DIPK1A: variants seen among roughly 807,000 people sequenced by gnomAD.
The protein encoded by DIPK1A is family with sequence similarity 69 member A.
Under a neutral mutation model 40.8 loss-of-function variants are expected in DIPK1A, and 27 were observed. The observed-to-expected ratio is 0.66, with a 90% CI of 0.49 to 0.91. The LOEUF (loss-of-function observed/expected upper bound fraction) is 0.91. Ranked by LOEUF, DIPK1A falls within the 40% of genes least tolerant of loss-of-function variation. The probability of loss-of-function intolerance (pLI) is 0.00; values close to 1 mark genes in which losing one functional copy is unlikely to be tolerated. For missense variants in DIPK1A, 412 were observed against 505.7 expected (o/e 0.81, Z 1.78); for synonymous variants, 166 against 171.3 (o/e 0.97, Z 0.24).
At chr1:92,857,896 T>C (rs1688038640) in intron 2 of DIPK1A, among the ~76,000 whole-genome samples, 1 of 152,132 alleles carries the variant, frequency 6.6e-6, no homozygotes, top group African/African-American at 2.4e-5. Context: ...GAGAGGAGCA[T>C]GCAGAGCAGG....
chr1:92,952,396 G>A (rs764904940), intron 1 of DIPK1A, among the ~76,000 whole-genome samples: 18 of 152,276 alleles, frequency 1.2e-4, no homozygotes, highest in Middle Eastern at 3.4e-3. Context: ...AAGGTGGGCC[G>A]ACTGCTTGAG....
At chr1:92,883,854 G>C (rs1648485981) in intron 1 of DIPK1A, among the ~76,000 whole-genome samples, 1 of 152,056 alleles carries the variant, frequency 6.6e-6, no homozygotes, top group Non-Finnish European at 1.5e-5. Flanking sequence ...GGTCTTCTTT[G>C]GAGACTAGCT....
At chr1:92,846,327 A>G (rs1309356912) in intron 4 of DIPK1A, 1 of 154,432 alleles carries the variant, frequency 6.5e-6, no homozygotes, top group Non-Finnish European at 1.5e-5. Flanking sequence ...GAAAATAACC[A>G]AAAATTATTA....
chr1:92,855,320 C>T (rs550301088), intron 2 of DIPK1A, among the ~76,000 whole-genome samples: 7 of 151,896 alleles, frequency 4.6e-5, no homozygotes, highest in South Asian at 2.1e-4. Flanking sequence ...AACGCAATGA[C>T]GAAAAAACCA....
intron 1 of DIPK1A, among the ~76,000 whole-genome samples, chr1:92,936,393 C>T (rs1161306096): frequency 2.0e-5 from 3 of 151,868 alleles, no homozygotes; most frequent in African/African-American, 2.4e-5. Flanking sequence ...TTTGGGAGGC[C>T]GAGGCAGGCA....
chr1:92,948,854 G>T (rs1313865460), intron 1 of DIPK1A, among the ~76,000 whole-genome samples: 2 of 150,132 alleles, frequency 1.3e-5, no homozygotes, highest in African/African-American at 4.9e-5. Context: ...GCCCAGGCTG[G>T]AGTGCAATGG....
At position 92,922,128 on chromosome 1, in the gene DIPK1A, T is replaced by C. The variant is rs374778015; in HGVS notation, c.54+39248A>G. ...TTTAACTGTTTAATTAAAATCTTAA[T>C]TGTTTTTGGCTTTCGTTTCACTATT... On this transcript the variant is annotated intron_variant, in intron 1 of 4. Transcript: ENST00000370310. Among the ~76,000 whole-genome samples, 154 of 152,296 alleles carry C rather than the reference T, an allele frequency of 1.0e-3. 3 individuals carry two copies. Among genetic ancestry groups the C allele is most frequent in the African/African-American group, 3.5e-3 (145 of 41,576 alleles).
intron 2 of DIPK1A, among the ~76,000 whole-genome samples, chr1:92,876,060 T>C (rs1472719076): frequency 2.0e-5 from 3 of 150,680 alleles, no homozygotes; most frequent in Non-Finnish European, 4.4e-5. Flanking sequence ...CTTCTTTGTA[T>C]TGAGGATGCC....
chr1:92,882,194 C>T (rs1348915673), intron 1 of DIPK1A, among the ~76,000 whole-genome samples: 2 of 152,166 alleles, frequency 1.3e-5, no homozygotes, highest in African/African-American at 4.8e-5. Context: ...TCGAGGCCAG[C>T]CTGGCCAACA....
Position 92,843,137 on chromosome 1 carries a change from A to G in DIPK1A, c.*246T>C. On this transcript the variant is annotated 3_prime_UTR_variant, in exon 5 of 5. Transcript: ENST00000370310. The stretch of plus-strand genomic sequence containing the variant: ...AGCATTGGTTTTTAAAGTCAGTCAA[A>G]ATAGTTACACAATGAATGTACTTCG... 4 of 1,189,886 alleles carry G rather than the reference A, an allele frequency of 3.4e-6. No individual in the cohort carries two copies. The highest frequency in any genetic ancestry group is 4.2e-6 in the Non-Finnish European group (4 of 956,604). 73.7% of individuals were successfully genotyped at this position (1,189,886 alleles called of 1,614,324 possible).
At chr1:92,878,400 G>C (rs1648219332) in intron 1 of DIPK1A, among the ~76,000 whole-genome samples, 1 of 152,020 alleles carries the variant, frequency 6.6e-6, no homozygotes, top group African/African-American at 2.4e-5. Context: ...TTAAAAATTA[G>C]CCAAGGCCAG....
At chr1:92,895,367 C>T (rs572959747) in intron 1 of DIPK1A, among the ~76,000 whole-genome samples, 32 of 152,140 alleles carry the variant, frequency 2.1e-4, no homozygotes, top group African/African-American at 7.5e-4. Flanking sequence ...AATCAACAAA[C>T]GTAATCCAGC....
At chr1:92,914,200 T>C (rs952376506) in intron 1 of DIPK1A, among the ~76,000 whole-genome samples, 2 of 149,362 alleles carry the variant, frequency 1.3e-5, no homozygotes, top group Admixed American at 6.7e-5. Flanking sequence ...AGATTATCAG[T>C]AGACATCTGT....
intron 1 of DIPK1A, among the ~76,000 whole-genome samples, chr1:92,951,686 T>C (rs1476040150): frequency 6.6e-6 from 1 of 152,190 alleles, no homozygotes; most frequent in African/African-American, 2.4e-5. Flanking sequence ...CATTTTTCTA[T>C]TAAGAGATGT....
Position 92,844,530 on chromosome 1 carries a change from T to C in DIPK1A, c.475-335A>G, listed in dbSNP as rs1001182764. On this transcript the variant is annotated intron_variant, in intron 4 of 4. Transcript: ENST00000370310. ...TACATTAAAAAACCACCGCCTCATA[T>C]GTGGACTTGAAAAATTGTACTGTAA... 3.3e-5 allele frequency among the ~76,000 whole-genome samples: 5 copies of C among 152,334 alleles called. No individual in the cohort carries two copies. The South Asian group carries it at 6.2e-4, about 19-fold the overall frequency.
Position 92,834,548 on chromosome 1 carries a change from C to G in DIPK1A, c.475-1514G>C, listed in dbSNP as rs1005240268. Reference sequence around the variant, plus strand: ...ATAACTAAACGTTAGGTTCCTGAGACTTTGCTGACTTTAGTTATGTTTAGT... The same window carrying G: ...ATAACTAAACGTTAGGTTCCTGAGAGTTTGCTGACTTTAGTTATGTTTAGT... On this transcript the variant is annotated intron_variant, in intron 4 of 4. Transcript: ENST00000615519. Among the ~76,000 whole-genome samples, 10 of 152,320 alleles carry G rather than the reference C, an allele frequency of 6.6e-5. No homozygotes were observed. The South Asian group carries it at 8.3e-4, about 13-fold the overall frequency.
downstream of DIPK1A, among the ~76,000 whole-genome samples, chr1:92,838,046 T>G (rs6604026): frequency 7.2e-5 from 11 of 152,090 alleles, no homozygotes; most frequent in Non-Finnish European, 1.5e-4. Flanking sequence ...TGCGTGATGT[T>G]GTAGAAATGA....
chr1:92,959,902 A>ATTTTTTTTTTTTTTTTTTTTTTTTTTT lies in DIPK1A; in HGVS notation c.54+1473_54+1474insAAAAAAAAAAAAAAAAAAAAAAAAAAA, dbSNP rs1557502636. ...AGCTGGGACCACAGGCACCCAACCAACTTTTTTTTTTTTTTTTTTTTTTTT... is the reference window on the plus strand; with the variant it reads ...AGCTGGGACCACAGGCACCCAACCAATTTTTTTTTTTTTTTTTTTTTTTTTTTCTTTTTTTTTTTTTTTTTTTTTTTT... On this transcript the variant is annotated intron_variant, in intron 1 of 4. Transcript: ENST00000370310. Among the ~76,000 whole-genome samples the ATTTTTTTTTTTTTTTTTTTTTTTTTTT allele has an allele frequency of 1.9e-3, 83 of 43,092 alleles. 8 individuals carry two copies. The highest frequency in any genetic ancestry group is 0.013 in the Middle Eastern group (1 of 78). 28.3% of individuals were successfully genotyped at this position (43,092 alleles called of 152,430 possible).
intron 1 of DIPK1A, among the ~76,000 whole-genome samples, chr1:92,908,974 A>G (rs972903910): frequency 3.5e-4 from 53 of 152,326 alleles, no homozygotes; most frequent in African/African-American, 1.3e-3. Context: ...CAGAAAAAGT[A>G]TTGTAACCTA....
Sources: allele counts gnomAD v4.1 joint callset (sites outside exome capture counted in the v4.1 genomes callset), GRCh38; gene constraint gnomAD v4.1.1; transcripts MANE v1.5; gene names NCBI Gene and HGNC (gene_info 2026-07-23, HGNC 2026-07-21).